The following LRBA variants were observed in gnomAD, a reference collection of about 807,000 sequenced individuals.
The protein encoded by LRBA is lipopolysaccharide-responsive and beige-like anchor protein.
Under a neutral mutation model 330.0 loss-of-function variants are expected in LRBA, and 176 were observed. The ratio of observed to expected loss-of-function variants is 0.53; its 90% CI spans 0.47 to 0.60. The LOEUF (loss-of-function observed/expected upper bound fraction) is 0.60, where lower values mean the gene tolerates loss of function less well. Ranked by LOEUF, LRBA falls within the 20% of genes least tolerant of loss-of-function variation. The pLI, the probability that LRBA is intolerant of heterozygous loss-of-function variation, is 0.00. For synonymous variants in LRBA, 1,230 were observed against 1,193.0 expected, an observed-to-expected ratio of 1.03 and a Z score of -0.64; for missense variants, 3,259 against 3,444.8, an observed-to-expected ratio of 0.95 and a Z score of 1.35.
intron 47 of LRBA, among the ~76,000 whole-genome samples, chr4:150,401,174 G>A (rs981833377): frequency 9.9e-5 from 15 of 152,228 alleles, no homozygotes; most frequent in African/African-American, 3.6e-4. Context: ...TCGGAGAGAG[G>A]CCTGGAACAG....
chr4:150,955,044 G>C (rs1434837518), intron 2 of LRBA, among the ~76,000 whole-genome samples: 1 of 148,908 alleles, frequency 6.7e-6, no homozygotes. Context: ...AGGAGGCCAA[G>C]GCAGGTGCAT....
intron 13 of LRBA, 56 bp downstream of exon 13, chr4:150,905,782 C>T (rs1731261707): frequency 7.7e-6 from 11 of 1,437,286 alleles, no homozygotes; most frequent in South Asian, 1.4e-5. Context: ...TCACTCTCCT[C>T]ACGCACAAAA....
rs1347176157 is a variant in LRBA at position 150,852,301 on chromosome 4, C to G, written c.3409G>C (p.Ala1137Pro). The G allele has an allele frequency of 3.1e-6, 5 of 1,614,076 alleles. No individual in the cohort carries two copies. The South Asian group carries it at 4.4e-5, about 14-fold the overall frequency. Reference protein sequence around the residue: ...TELQDNSLSPAASEAGEKLDM... With the variant: ...TELQDNSLSPPASEAGEKLDM... Reference sequence around the variant, plus strand: ...AGTTTTTCACCGGCTTCAGATGCAGCTGGAGACAAACTGTTATCTTGGAGC... The same window carrying G: ...AGTTTTTCACCGGCTTCAGATGCAGGTGGAGACAAACTGTTATCTTGGAGC... The change falls in exon 23 of 57, where the codon GCT (alanine) becomes CCT (proline). Residue 1137 changes from alanine (A) to proline (P), a missense_variant. Coordinates refer to ENST00000651943, the MANE Select transcript of LRBA (RefSeq NM_001364905.1).
intron 37 of LRBA, among the ~76,000 whole-genome samples, chr4:150,612,085 T>A (rs183881514): frequency 6.6e-6 from 1 of 152,280 alleles, no homozygotes; most frequent in East Asian, 1.9e-4. Flanking sequence ...GCATTTTTTG[T>A]AGAGATGGGG....
At chr4:150,991,243 T>C (rs1401480549) in intron 2 of LRBA, among the ~76,000 whole-genome samples, 1 of 152,160 alleles carries the variant, frequency 6.6e-6, no homozygotes, top group Non-Finnish European at 1.5e-5. Context: ...CTACAGCAAC[T>C]ACATTACTGG....
intron 16 of LRBA, among the ~76,000 whole-genome samples, chr4:150,895,763 T>C (rs1480780956): frequency 6.6e-6 from 1 of 152,216 alleles, no homozygotes; most frequent in Non-Finnish European, 1.5e-5. Context: ...TGTGTCTTTA[T>C]GGTAGCATGA....
chr4:150,902,023 A>T (rs955643285), intron 13 of LRBA, among the ~76,000 whole-genome samples: 2 of 152,158 alleles, frequency 1.3e-5, no homozygotes, highest in African/African-American at 2.4e-5. Flanking sequence ...TGAAAAGATT[A>T]AAAAAACACT....
intron 2 of LRBA, among the ~76,000 whole-genome samples, chr4:150,975,255 A>G (rs1740018584): frequency 6.6e-6 from 1 of 152,228 alleles, no homozygotes. Flanking sequence ...GTAGCCAGGC[A>G]CAGTGGCTCA....
intron 42 of LRBA, among the ~76,000 whole-genome samples, chr4:150,487,009 T>A (rs868660545): frequency 6.6e-6 from 1 of 151,862 alleles, no homozygotes; most frequent in Admixed American, 6.6e-5. Flanking sequence ...TGCATATATA[T>A]ACAACCAAAA....
intron 26 of LRBA, among the ~76,000 whole-genome samples, chr4:150,846,678 T>A (rs974714879): frequency 3.3e-5 from 5 of 152,202 alleles, no homozygotes; most frequent in African/African-American, 1.2e-4. Context: ...CACTAAGCAA[T>A]CCATGTATGT....
intron 46 of LRBA, among the ~76,000 whole-genome samples, chr4:150,416,862 A>G (rs1747837858): frequency 6.6e-6 from 1 of 152,094 alleles, no homozygotes; most frequent in Non-Finnish European, 1.5e-5. Flanking sequence ...TAAATAAATA[A>G]ACTCTTAATA....
chr4:151,001,313 C>T (rs1436511795), intron 2 of LRBA, among the ~76,000 whole-genome samples: 1 of 152,198 alleles, frequency 6.6e-6, no homozygotes, highest in African/African-American at 2.4e-5. Flanking sequence ...AGCAGCAGCA[C>T]AGCACAGCCA....
At chr4:150,571,255 A>G (rs903760623) in intron 40 of LRBA, among the ~76,000 whole-genome samples, 2 of 152,010 alleles carry the variant, frequency 1.3e-5, no homozygotes, top group African/African-American at 4.8e-5. Flanking sequence ...AGCTCTACCT[A>G]TAATATAGCT....
intron 33 of LRBA, among the ~76,000 whole-genome samples, chr4:150,804,989 T>C (rs114297997): frequency 0.011 from 1,645 of 152,108 alleles, 11 homozygotes; most frequent in Middle Eastern, 0.02. Context: ...GGTACGAAGA[T>C]GAAGATTGGT....
intron 33 of LRBA, among the ~76,000 whole-genome samples, chr4:150,805,554 A>G (rs1203037631): frequency 4.3e-5 from 3 of 70,106 alleles, no homozygotes; most frequent in East Asian, 5.8e-4. Flanking sequence ...AGGAAAGGAA[A>G]GGAAAGGAAA....
At chr4:150,823,946 T>C (rs569881236) in intron 30 of LRBA, among the ~76,000 whole-genome samples, 2 of 152,296 alleles carry the variant, frequency 1.3e-5, no homozygotes, top group Admixed American at 1.3e-4. Flanking sequence ...TTTCTAGGAA[T>C]ATTTTTTCTA....
At chr4:150,513,527 T>C (rs1026535584) in intron 40 of LRBA, among the ~76,000 whole-genome samples, 1 of 152,182 alleles carries the variant, frequency 6.6e-6, no homozygotes, top group African/African-American at 2.4e-5. Context: ...GGTCTGTTCA[T>C]GATGCCCTAA....
In LRBA at chr4:150,468,414, A is replaced by G. The variant is rs187084879; in HGVS notation, c.6668-629T>C. ...CCCAAATGTGGCCACATGCTCTTCT[A>G]TACATCTTTCTAATGACATTTTCAA... On this transcript the variant is annotated intron_variant, in intron 43 of 56. Transcript: ENST00000651943. Among the ~76,000 whole-genome samples the G allele has an allele frequency of 1.9e-3, 288 of 152,206 alleles. 4 individuals are homozygous for G. Among genetic ancestry groups the G allele is most frequent in the African/African-American group, 6.7e-3 (279 of 41,578 alleles).
intron 34 of LRBA, among the ~76,000 whole-genome samples, chr4:150,762,630 T>C (rs1301058377): frequency 1.3e-5 from 2 of 151,946 alleles, no homozygotes; most frequent in African/African-American, 4.8e-5. Context: ...TGTGTGTATG[T>C]GCGTGTGTGT....
Sources: gnomAD v4.1 joint callset for allele counts (sites outside exome capture counted in the v4.1 genomes callset) on GRCh38, gnomAD v4.1.1 for gene constraint, MANE v1.5 for transcripts, NCBI Gene and HGNC (gene_info 2026-07-23, HGNC 2026-07-21) for gene names.